The following TNS3 variants were observed in gnomAD, a reference collection of about 807,000 sequenced individuals.
The protein encoded by TNS3 is tensin 3.
A neutral mutation model predicts 140.9 loss-of-function variants in TNS3; 45 were observed. The ratio of observed to expected loss-of-function variants is 0.32; its 90% CI spans 0.25 to 0.41. The LOEUF (loss-of-function observed/expected upper bound fraction) is 0.41, where lower values mean the gene tolerates loss of function less well. Ranked by LOEUF, TNS3 falls within the 10% of genes least tolerant of loss-of-function variation. The probability of loss-of-function intolerance (pLI) is 1.00; values close to 1 mark genes in which losing one functional copy is unlikely to be tolerated. For synonymous variants in TNS3, 815 were observed against 788.4 expected, an observed-to-expected ratio of 1.03 and a Z score of -0.56; for missense variants, 1,716 against 1,906.7, an observed-to-expected ratio of 0.90 and a Z score of 1.86.
chr7:47,582,371 C>A, upstream of TNS3: 1 of 455,018 alleles, frequency 2.2e-6, no homozygotes, highest in South Asian at 1.6e-5. Flanking sequence ...ATTGAGCAGC[C>A]CAGGCTCCAA....
intron 20 of TNS3, among the ~76,000 whole-genome samples, chr7:47,313,707 A>G (rs953197758): frequency 2.0e-5 from 3 of 152,190 alleles, no homozygotes; most frequent in African/African-American, 7.2e-5. Flanking sequence ...ACCCCATGCC[A>G]TGACTCAGAA....
At chr7:47,496,985 T>C (rs530813491) in intron 3 of TNS3, among the ~76,000 whole-genome samples, 1 of 152,222 alleles carries the variant, frequency 6.6e-6, no homozygotes, top group African/African-American at 2.4e-5. Context: ...GGCACTTGGA[T>C]TCCAGTGTCA....
Position 47,275,758 on chromosome 7 carries a change from C to T in TNS3, c.*2318G>A. On this transcript the variant is annotated 3_prime_UTR_variant, in exon 31 of 31. Transcript: ENST00000311160. ...TGCTTGGAGCAAATTCCCCGATGCC[C>T]TTGACCACGTTTACCTTGTGTAAAA... 4.4e-6 allele frequency: 2 copies of T among 454,182 alleles called. No individual in the cohort carries two copies. Among genetic ancestry groups the T allele is most frequent in the Non-Finnish European group, 8.8e-6 (2 of 226,412 alleles). The allele number at this position is 454,182 out of a possible 1,614,324, so 28.1% of individuals were successfully genotyped here. A position where few individuals can be genotyped will look rare whatever the true frequency, so the allele number is the denominator to read the frequency against.
At position 47,513,833 on chromosome 7, in the gene TNS3, G is replaced by T. The variant is rs146451043; in HGVS notation, c.-152-6889C>A. ...CTTTGCCTGAACACTCGGCTCCACA[G>T]CTGACAGTCTGCAAACCACACATCA... On this transcript the variant is annotated intron_variant, in intron 2 of 30. Transcript: ENST00000311160. 3.3e-5 allele frequency among the ~76,000 whole-genome samples: 5 copies of T among 152,352 alleles called. No homozygotes were observed. The East Asian group carries it at 7.7e-4, about 24-fold the overall frequency.
At chr7:47,542,592 T>C (rs898378097) in intron 1 of TNS3, among the ~76,000 whole-genome samples, 1 of 152,096 alleles carries the variant, frequency 6.6e-6, no homozygotes, top group Admixed American at 6.5e-5. Context: ...GGCTTGAGGG[T>C]GTCCGAGTGT....
chr7:47,357,700 T>C (rs150716234), intron 17 of TNS3, among the ~76,000 whole-genome samples: 2 of 142,534 alleles, frequency 1.4e-5, no homozygotes, highest in African/African-American at 2.5e-5. Context: ...GCTGTCTTCA[T>C]GTCTAACCCT....
intron 20 of TNS3, among the ~76,000 whole-genome samples, chr7:47,321,915 G>T (rs889943509): frequency 3.9e-5 from 6 of 152,074 alleles, no homozygotes; most frequent in African/African-American, 1.5e-4. Context: ...CAGGGAGGGG[G>T]ACCCACTGCT....
chr7:47,582,018 T>C lies in TNS3; in HGVS notation c.-265+33A>G, dbSNP rs891903200. On this transcript the variant is annotated intron_variant, in intron 1 of 30. Coordinates refer to ENST00000311160, the MANE Select transcript of TNS3 (RefSeq NM_022748.12). ...CCGAAACAAAGAGGACCGCGGCGCG[T>C]GGCCGCGTTTCCTCCTTCCCCGGCC... The C allele has an allele frequency of 1.4e-4, 21 of 151,910 alleles. No individual in the cohort carries two copies. In the East Asian group the frequency reaches 3.7e-3, roughly 27 times the overall value. The allele number at this position is 151,910 out of a possible 1,614,324, so 9.4% of individuals were successfully genotyped here. A position where few individuals can be genotyped will look rare whatever the true frequency, so the allele number is the denominator to read the frequency against.
At chr7:47,555,692 T>C (rs1800177442) in intron 1 of TNS3, among the ~76,000 whole-genome samples, 1 of 152,224 alleles carries the variant, frequency 6.6e-6, no homozygotes, top group Admixed American at 6.5e-5. Flanking sequence ...AGCAAAAAGA[T>C]TTTAACTTGC....
At chr7:47,489,763 C>A (rs538833791) in intron 3 of TNS3, among the ~76,000 whole-genome samples, 15 of 152,338 alleles carry the variant, frequency 9.8e-5, no homozygotes, top group African/African-American at 3.6e-4. Context: ...AAAGCACTTT[C>A]AGGATCACTT....
chr7:47,278,351 G>T, intron 30 of TNS3, 131 bp from the exon 31 acceptor site: 1 of 1,041,370 alleles, frequency 9.6e-7, no homozygotes, highest in African/African-American at 1.6e-5. Flanking sequence ...CACGTGCCCA[G>T]CACCCTGCTG....
intron 4 of TNS3, among the ~76,000 whole-genome samples, chr7:47,457,872 T>TA (rs1406458335): frequency 6.6e-6 from 1 of 152,042 alleles, no homozygotes; most frequent in Admixed American, 6.6e-5. Context: ...TCCTCATCTG[T>TA]AAAAACAGGG....
intron 2 of TNS3, among the ~76,000 whole-genome samples, chr7:47,521,101 G>A (rs17172876): frequency 6.6e-6 from 1 of 152,062 alleles, no homozygotes; most frequent in South Asian, 2.1e-4. Context: ...CATCATAGTA[G>A]GGGCAGTCGG....
intron 4 of TNS3, among the ~76,000 whole-genome samples, chr7:47,471,976 G>A (rs1229513898): frequency 6.6e-6 from 1 of 152,230 alleles, no homozygotes; most frequent in Admixed American, 6.5e-5. Context: ...AGGGGCTGGA[G>A]GTCTGAAACC....
chr7:47,578,193 A>T (rs926418152), intron 1 of TNS3, among the ~76,000 whole-genome samples: 6 of 152,132 alleles, frequency 3.9e-5, no homozygotes, highest in Admixed American at 3.3e-4. Flanking sequence ...TGCGCCTGTA[A>T]TCCCAGCTAC....
chr7:47,569,305 G>C (rs1361157925), intron 1 of TNS3, among the ~76,000 whole-genome samples: 2 of 152,232 alleles, frequency 1.3e-5, no homozygotes, highest in Non-Finnish European at 2.9e-5. Flanking sequence ...CACTTTGGGA[G>C]GCCGAGGAGG....
chr7:47,495,497 C>G (rs13236817), intron 3 of TNS3, among the ~76,000 whole-genome samples: 2 of 152,184 alleles, frequency 1.3e-5, no homozygotes, highest in Non-Finnish European at 2.9e-5. Context: ...CTGCAGAGGT[C>G]TCTCCTAGCC....
chr7:47,521,193 G>C (rs1178651234), intron 2 of TNS3, among the ~76,000 whole-genome samples: 1 of 152,068 alleles, frequency 6.6e-6, no homozygotes, highest in Non-Finnish European at 1.5e-5. Flanking sequence ...CACACTCCCT[G>C]CCCCACCCAC....
At chr7:47,529,226 T>C (rs1430155675) in intron 1 of TNS3, 79 bp from the exon 2 acceptor site, 1 of 792,586 alleles carries the variant, frequency 1.3e-6, no homozygotes, top group African/African-American at 1.8e-5. Context: ...AGGGAAATAA[T>C]AAATCTAGTG....
Sources: allele counts gnomAD v4.1 joint callset (sites outside exome capture counted in the v4.1 genomes callset), GRCh38; gene constraint gnomAD v4.1.1; transcripts MANE v1.5; gene names NCBI Gene and HGNC (gene_info 2026-07-23, HGNC 2026-07-21).